Variants in SEZ6L observed in about 807,000 individuals in gnomAD.
The protein encoded by SEZ6L is seizure 6-like protein.
Under a neutral mutation model 106.2 loss-of-function variants are expected in SEZ6L, and 37 were observed. The observed-to-expected ratio is 0.35, with a 90% CI of 0.27 to 0.46. SEZ6L has a LOEUF of 0.46. Among genes scored for constraint, SEZ6L ranks in the 20% least tolerant of loss-of-function variants. The pLI, the probability that SEZ6L is intolerant of heterozygous loss-of-function variation, is 1.00. For synonymous variants in SEZ6L, 541 were observed against 570.4 expected, an observed-to-expected ratio of 0.95 and a Z score of 0.73; for missense variants, 1,172 against 1,332.8, an observed-to-expected ratio of 0.88 and a Z score of 1.88.
chr22:26,265,565 GACA>G (rs2080149161), intron 1 of SEZ6L, among the ~76,000 whole-genome samples: 1 of 152,184 alleles, frequency 6.6e-6, no homozygotes, highest in South Asian at 2.1e-4. Flanking sequence ...CACTGGAACT[GACA>G]AGGAAAGCAC....
chr22:26,350,207 T>TAC (rs1556373505), intron 11 of SEZ6L, among the ~76,000 whole-genome samples: 2 of 139,742 alleles, frequency 1.4e-5, no homozygotes, highest in African/African-American at 3.0e-5. Context: ...TATATATATA[T>TAC]ACACATATAT....
At position 26,295,080 on chromosome 22, in the gene SEZ6L, A is replaced by G. The variant is rs531892124; in HGVS notation, c.969+655A>G. Among the ~76,000 whole-genome samples, 3 of 152,320 alleles carry G rather than the reference A, an allele frequency of 2.0e-5. No individual in the cohort carries two copies. The South Asian group carries it at 6.2e-4, about 32-fold the overall frequency. ...ATAATGCTCAAACATCTGGGTTTTA[A>G]GTCCTACCTCTTCCAGTTAAAACTG... On this transcript the variant is annotated intron_variant, in intron 3 of 16. Transcript: ENST00000248933.
At position 26,294,307 on chromosome 22, in the gene SEZ6L, G is replaced by C; in HGVS notation, c.851G>C (p.Ser284Thr). 2 of 1,614,078 alleles carry C rather than the reference G, an allele frequency of 1.2e-6. No homozygotes were observed. The highest frequency in any genetic ancestry group is 1.7e-6 in the Non-Finnish European group (2 of 1,180,006). The part of the protein sequence containing the change: ...TEQAPALCSV[S>T]FSNPEGYIDS... ...TTCCTTCCAGCTCTCTGCAGTGTGA[G>C]CTTCTCCAATCCTGAGGGGTACATT... Residue 284 changes from serine to threonine, a missense_variant, in exon 3 of 17, where the codon AGC becomes ACC. By Grantham distance (58) the Ser-to-Thr change is moderately conservative. Transcript: ENST00000248933.
chr22:26,347,777 C>G lies in SEZ6L; in HGVS notation c.2271C>G (p.Thr757=). 1 of 1,609,904 alleles carries G rather than the reference C, an allele frequency of 6.2e-7. No homozygotes were observed. ...DLPEIQNGWK[T]TSHTELVRGA... is the part of the protein sequence containing the mutation. ...CCGAGATCCAGAATGGCTGGAAAAC[C>G]ACTTCTCACACGGAGTTGGTGCGGG... Residue 757 remains threonine, a synonymous_variant, in exon 11 of 17, where the codon ACC becomes ACG. Coordinates refer to ENST00000248933, the MANE Select transcript of SEZ6L (RefSeq NM_021115.5).
intron 1 of SEZ6L, among the ~76,000 whole-genome samples, chr22:26,208,832 T>C (rs1311784531): frequency 1.3e-5 from 2 of 150,246 alleles, no homozygotes; most frequent in Non-Finnish European, 3.0e-5. Context: ...TGTTTTTTTC[T>C]ACTTCTTGAC....
intron 1 of SEZ6L, among the ~76,000 whole-genome samples, chr22:26,250,219 C>T (rs2079524876): frequency 6.6e-6 from 1 of 151,912 alleles, no homozygotes; most frequent in Admixed American, 6.6e-5. Context: ...GTTTTGAGGT[C>T]TTACCCAAAA....
At chr22:26,276,478 T>C (rs1172820060) in intron 1 of SEZ6L, among the ~76,000 whole-genome samples, 2 of 152,212 alleles carry the variant, frequency 1.3e-5, no homozygotes, top group African/African-American at 4.8e-5. Flanking sequence ...TGGAGAGAAA[T>C]TGTTAACTTA....
intron 12 of SEZ6L, 77 bp downstream of exon 12, chr22:26,351,320 G>A: frequency 1.4e-6 from 2 of 1,415,224 alleles, no homozygotes; most frequent in Non-Finnish European, 1.9e-6. Flanking sequence ...TGGAAGGCTG[G>A]GCTGCTAGGA....
Position 26,330,231 on chromosome 22 carries a change from C to T in SEZ6L, c.2016-10205C>T, listed in dbSNP as rs1030512066. ...TTGCTCAGGCTTTGTCTTCCAACGACGTCTGTTTGGATTCCGGCTCTGCTA... is the reference window on the plus strand; with the variant it reads ...TTGCTCAGGCTTTGTCTTCCAACGATGTCTGTTTGGATTCCGGCTCTGCTA... On this transcript the variant is annotated intron_variant, in intron 9 of 16. Transcript: ENST00000248933. Among the ~76,000 whole-genome samples, 53 of 152,252 alleles carry T rather than the reference C, an allele frequency of 3.5e-4. 1 individual carries two copies. Among genetic ancestry groups the T allele is most frequent in the African/African-American group, 1.1e-3 (45 of 41,512 alleles).
intron 1 of SEZ6L, among the ~76,000 whole-genome samples, chr22:26,276,301 G>A (rs565280727): frequency 6.6e-6 from 1 of 152,336 alleles, no homozygotes; most frequent in East Asian, 1.9e-4. Context: ...TTGAGGTTTT[G>A]AGAGATGGAA....
chr22:26,374,848 C>A (rs955554697), intron 14 of SEZ6L, among the ~76,000 whole-genome samples: 1 of 152,178 alleles, frequency 6.6e-6, no homozygotes, highest in African/African-American at 2.4e-5. Flanking sequence ...CTTGCAATTG[C>A]CACAGTGGGA....
intron 9 of SEZ6L, among the ~76,000 whole-genome samples, chr22:26,318,218 C>T (rs1342950691): frequency 2.0e-5 from 3 of 151,936 alleles, no homozygotes; most frequent in Admixed American, 1.3e-4. Context: ...GGATTGCAGG[C>T]GTGTGCCACC....
chr22:26,293,202 T>C, intron 2 of SEZ6L, 56 bp downstream of exon 2: 2 of 1,455,400 alleles, frequency 1.4e-6, no homozygotes, highest in South Asian at 1.4e-5. Flanking sequence ...GCACTCACTA[T>C]GTTCAGGGCA....
chr22:26,313,739 CTT>C (rs2081916875), intron 8 of SEZ6L, 23 bp from the exon 9 acceptor site: 4 of 1,595,562 alleles, frequency 2.5e-6, no homozygotes, highest in Non-Finnish European at 3.4e-6. Context: ...TAAAGTCCGT[CTT>C]CTTGCCTGTC....
At chr22:26,213,138 G>A (rs536395290) in intron 1 of SEZ6L, among the ~76,000 whole-genome samples, 1 of 152,264 alleles carries the variant, frequency 6.6e-6, no homozygotes, top group East Asian at 1.9e-4. Context: ...GGCTGGCTGA[G>A]GTGAGGTTTA....
intron 1 of SEZ6L, among the ~76,000 whole-genome samples, chr22:26,188,369 G>A (rs1236964970): frequency 1.3e-5 from 2 of 152,186 alleles, no homozygotes; most frequent in Non-Finnish European, 2.9e-5. Context: ...GTTGAAAAGA[G>A]CCAAATCATC....
intron 1 of SEZ6L, among the ~76,000 whole-genome samples, chr22:26,261,143 G>A (rs1411538260): frequency 6.6e-6 from 1 of 151,964 alleles, no homozygotes; most frequent in Non-Finnish European, 1.5e-5. Context: ...GTCCTTTGTT[G>A]GACGTATAGA....
intron 15 of SEZ6L, among the ~76,000 whole-genome samples, chr22:26,377,377 TC>T (rs2084264147): frequency 6.6e-6 from 1 of 152,170 alleles, no homozygotes; most frequent in African/African-American, 2.4e-5. Flanking sequence ...CCCTTTGCAT[TC>T]AAGAGGGACT....
In SEZ6L at chr22:26,352,766, G is replaced by A. The variant is rs141357301; in HGVS notation, c.2599+1523G>A. On this transcript the variant is annotated intron_variant, in intron 12 of 16. Transcript: ENST00000248933. ...GCATGCATTAACTCTTTGATTCCTGGCAGGAAAACAAAAATGGAGATGTCT... is the reference window on the plus strand; with the variant it reads ...GCATGCATTAACTCTTTGATTCCTGACAGGAAAACAAAAATGGAGATGTCT... 3.9e-5 allele frequency among the ~76,000 whole-genome samples: 6 copies of A among 152,316 alleles called. No individual in the cohort carries two copies. In the East Asian group the frequency reaches 1.2e-3, roughly 29 times the overall value.
Sources: allele counts gnomAD v4.1 joint callset (sites outside exome capture counted in the v4.1 genomes callset), GRCh38; gene constraint gnomAD v4.1.1; transcripts MANE v1.5; gene names NCBI Gene and HGNC (gene_info 2026-07-23, HGNC 2026-07-21).